Variants in PCCB observed in about 807,000 individuals in gnomAD.
PCCB encodes propionyl-CoA carboxylase subunit beta.
Under a neutral mutation model 60.7 loss-of-function variants are expected in PCCB, and 43 were observed. The observed-to-expected ratio is 0.71, with a 90% confidence interval of 0.55 to 0.91. The LOEUF (loss-of-function observed/expected upper bound fraction) is 0.91. Ranked by LOEUF, PCCB falls within the 40% of genes least tolerant of loss-of-function variation. The probability of loss-of-function intolerance (pLI) is 0.00; values close to 1 mark genes in which losing one functional copy is unlikely to be tolerated. For synonymous variants in PCCB, 276 were observed against 255.9 expected, an observed-to-expected ratio of 1.08 and a Z score of -0.75; for missense variants, 766 against 702.8, an observed-to-expected ratio of 1.09 and a Z score of -1.02.
At chr3:136,269,483 T>C (rs543300096) in intron 5 of PCCB, among the ~76,000 whole-genome samples, 6 of 152,166 alleles carry the variant, frequency 3.9e-5, no homozygotes, top group African/African-American at 1.4e-4. Context: ...CTTCTGCAAA[T>C]AGAGGCAGTT....
At chr3:136,257,598 G>C (rs1941707073) in intron 3 of PCCB, among the ~76,000 whole-genome samples, 1 of 152,166 alleles carries the variant, frequency 6.6e-6, no homozygotes. Flanking sequence ...GTGGAAATAT[G>C]TATATAATTT....
chr3:136,310,555 G>A (rs1221808141), intron 9 of PCCB, among the ~76,000 whole-genome samples: 1 of 152,168 alleles, frequency 6.6e-6, no homozygotes, highest in African/African-American at 2.4e-5. Flanking sequence ...ATAGTTTCAT[G>A]TGGAATTTCT....
At position 136,272,905 on chromosome 3, in the gene PCCB, C is replaced by T. The variant is rs183949602; in HGVS notation, c.543+10840C>T. ...GTTTCTCTGGTTCATTGAGGTGAGA[C>T]AGTAGATTGTCAGTTTGTGTTCTTT... On this transcript the variant is annotated intron_variant, in intron 5 of 14. Transcript: ENST00000251654. 5.1e-3 allele frequency among the ~76,000 whole-genome samples: 778 copies of T among 152,174 alleles called. 3 individuals are homozygous for T. Among genetic ancestry groups the T allele is most frequent in the Admixed American group, 7.8e-3 (119 of 15,278 alleles).
At chr3:136,252,405 T>C in intron 1 of PCCB, 1 of 428,584 alleles carries the variant, frequency 2.3e-6, no homozygotes, top group South Asian at 1.6e-5. Context: ...TGTCACCACA[T>C]CTGGCTAATT....
At chr3:136,263,258 T>TTTG (rs900560407) in intron 5 of PCCB, among the ~76,000 whole-genome samples, 5 of 148,408 alleles carry the variant, frequency 3.4e-5, no homozygotes, top group Admixed American at 6.7e-5. Flanking sequence ...CAGCTGGTTT[T>TTTG]TTTTTTTTTT....
chr3:136,253,088 T>A (rs868439121), intron 1 of PCCB, among the ~76,000 whole-genome samples: 1,502 of 92,864 alleles, frequency 0.016, 40 homozygotes, highest in East Asian at 0.045. Context: ...GGAGGTTTTT[T>A]TTTTTTTTTT....
At position 136,260,376 on chromosome 3, in the gene PCCB, C is replaced by T. The variant is rs776443163; in HGVS notation, c.373-103C>T. 97 of 961,278 alleles carry T rather than the reference C, an allele frequency of 1.0e-4. 1 individual carries two copies. The highest frequency in any genetic ancestry group is 2.3e-5 in the Non-Finnish European group (14 of 610,964). 59.5% of individuals were successfully genotyped at this position (961,278 alleles called of 1,614,324 possible). A position where few individuals can be genotyped will look rare whatever the true frequency, so the allele number is the denominator to read the frequency against. On this transcript the variant is annotated intron_variant, in intron 3 of 14. Transcript: ENST00000251654. ...TACAGGCATGAGCCACCACGCCTGG[C>T]CTAAAAACTTTTATCTGTGAATTTT...
At chr3:136,251,913 T>C (rs1941527583) in intron 1 of PCCB, among the ~76,000 whole-genome samples, 1 of 151,996 alleles carries the variant, frequency 6.6e-6, no homozygotes, top group Non-Finnish European at 1.5e-5. Flanking sequence ...GTTTTGCTCT[T>C]GTTGCCCAGG....
chr3:136,320,427 C>T (rs536841219), intron 10 of PCCB, among the ~76,000 whole-genome samples: 1 of 152,098 alleles, frequency 6.6e-6, no homozygotes, highest in South Asian at 2.1e-4. Flanking sequence ...AAATTTATTC[C>T]TAAATGTTTT....
chr3:136,308,803 A>G (rs1488979153), intron 9 of PCCB, among the ~76,000 whole-genome samples: 1 of 152,202 alleles, frequency 6.6e-6, no homozygotes, highest in African/African-American at 2.4e-5. Context: ...CAGCCGGGAA[A>G]TAAATCTTCT....
intron 9 of PCCB, among the ~76,000 whole-genome samples, chr3:136,302,107 G>A (rs1245668729): frequency 5.9e-5 from 9 of 152,204 alleles, no homozygotes; most frequent in Non-Finnish European, 8.8e-5. Flanking sequence ...GTGATCAGAA[G>A]CAGCAGTCAG....
At chr3:136,326,320 T>G (rs1935307719) in intron 10 of PCCB, 1 of 702,822 alleles carries the variant, frequency 1.4e-6, no homozygotes, top group Non-Finnish European at 2.6e-6. Flanking sequence ...CTGTGCTGCT[T>G]TATAGATTCC....
intron 9 of PCCB, 37 bp downstream of exon 9, chr3:136,301,148 C>A: frequency 6.6e-7 from 1 of 1,514,490 alleles, no homozygotes. Flanking sequence ...CTGTCCTAGT[C>A]AGCCACATTC....
At chr3:136,268,892 TTC>T (rs903170903) in intron 5 of PCCB, among the ~76,000 whole-genome samples, 2 of 152,216 alleles carry the variant, frequency 1.3e-5, no homozygotes, top group African/African-American at 2.4e-5. Context: ...GATGGAATGT[TTC>T]TCTGTTTATG....
intron 10 of PCCB, among the ~76,000 whole-genome samples, chr3:136,322,361 C>T (rs1031821729): frequency 1.3e-5 from 2 of 152,078 alleles, no homozygotes; most frequent in Non-Finnish European, 2.9e-5. Context: ...ATTTGATCTG[C>T]TAATATTTTG....
chr3:136,269,151 C>CA (rs1221210442), intron 5 of PCCB, among the ~76,000 whole-genome samples: 1 of 152,110 alleles, frequency 6.6e-6, no homozygotes, highest in Non-Finnish European at 1.5e-5. Flanking sequence ...TGTTGTGGTG[C>CA]ATGCCTGTAA....
chr3:136,297,494 T>A (rs78266740), intron 7 of PCCB, among the ~76,000 whole-genome samples: 1,895 of 152,266 alleles, frequency 0.012, 31 homozygotes, highest in East Asian at 0.046. Context: ...ACTGTTGCTG[T>A]GCACCTGTTT....
chr3:136,256,101 C>A lies in PCCB; in HGVS notation c.303+126C>A, dbSNP rs2108137636. ...CTGCAGAGGCACTGCAGACATCAAG[C>A]CCAGATAATTTTTGTATTTTTAGTA... On this transcript the variant is annotated intron_variant, in intron 2 of 14. Coordinates refer to ENST00000251654, the MANE Select transcript of PCCB (RefSeq NM_000532.5). 2.2e-6 allele frequency: 3 copies of A among 1,388,574 alleles called. No homozygotes were observed. In the South Asian group the frequency reaches 3.7e-5, roughly 17 times the overall value. The allele number at this position is 1,388,574 out of a possible 1,614,324, so 86.0% of individuals were successfully genotyped here. A position where few individuals can be genotyped will look rare whatever the true frequency, so the allele number is the denominator to read the frequency against.
chr3:136,288,800 ATTTAT>A (rs1394619416), intron 6 of PCCB, among the ~76,000 whole-genome samples: 1 of 151,472 alleles, frequency 6.6e-6, no homozygotes, highest in African/African-American at 2.4e-5. Context: ...CTAATTTTTT[ATTTAT>A]TTTATTTATT....
Sources: gnomAD v4.1 joint callset for allele counts (sites outside exome capture counted in the v4.1 genomes callset) on GRCh38, gnomAD v4.1.1 for gene constraint, MANE v1.5 for transcripts, NCBI Gene and HGNC (gene_info 2026-07-23, HGNC 2026-07-21) for gene names.